Variants in RPF2 observed in about 807,000 individuals in gnomAD.
RPF2 encodes the protein brix domain containing 1.
Under a neutral mutation model 38.9 loss-of-function variants are expected in RPF2, and 21 were observed. That is an observed-to-expected ratio of 0.54 (90% CI 0.38 to 0.78). The LOEUF is 0.78. Among genes scored for constraint, RPF2 ranks in the 30% least tolerant of loss-of-function variants. RPF2 has a pLI of 0.00. For synonymous variants in RPF2, 121 were observed against 126.2 expected (o/e 0.96, Z 0.28); for missense variants, 314 against 358.1 (o/e 0.88, Z 0.99).
intron 4 of RPF2, among the ~76,000 whole-genome samples, chr6:110,994,029 C>T (rs6907245): frequency 0.088 from 13,296 of 151,226 alleles, 640 homozygotes; most frequent in Middle Eastern, 0.13. Context: ...GTAATCCCAG[C>T]GCTCTGGGAG....
intron 6 of RPF2, among the ~76,000 whole-genome samples, chr6:111,005,037 G>T (rs549048988): frequency 1.4e-3 from 212 of 152,152 alleles, no homozygotes; most frequent in Admixed American, 5.1e-3. Context: ...CACCTAAATA[G>T]ACCCTATAGT....
At chr6:111,024,604 T>C (rs182482501) in intron 9 of RPF2, among the ~76,000 whole-genome samples, 35 of 151,448 alleles carry the variant, frequency 2.3e-4, no homozygotes, top group African/African-American at 7.8e-4. Flanking sequence ...TCCCAGCTAC[T>C]TGGGAGGCTG....
At chr6:110,984,045 A>C (rs1329219751) in intron 1 of RPF2, among the ~76,000 whole-genome samples, 1 of 152,056 alleles carries the variant, frequency 6.6e-6, no homozygotes, top group Non-Finnish European at 1.5e-5. Flanking sequence ...ATAAATAAAT[A>C]AATAAATAAG....
chr6:110,984,651 C>G (rs913720437), intron 1 of RPF2, among the ~76,000 whole-genome samples: 3 of 152,006 alleles, frequency 2.0e-5, no homozygotes, highest in Non-Finnish European at 2.9e-5. Flanking sequence ...AATAGCCTGA[C>G]CAACATGGCG....
chr6:110,982,075 C>G lies in RPF2; in HGVS notation c.-32C>G, dbSNP rs779649806. On this transcript the variant is annotated 5_prime_UTR_variant, in exon 1 of 10. Coordinates refer to ENST00000441448, the MANE Select transcript of RPF2 (RefSeq NM_032194.3). Reference sequence around the variant, plus strand: ...GTAATCGCCGAGGGCACGTGCATGCCCCCTGGTTAAGAGTTGCAGGTAGCG... The same window carrying G: ...GTAATCGCCGAGGGCACGTGCATGCGCCCTGGTTAAGAGTTGCAGGTAGCG... 3 of 1,613,980 alleles carry G rather than the reference C, an allele frequency of 1.9e-6. No homozygotes were observed. Among genetic ancestry groups the G allele is most frequent in the South Asian group, 1.1e-5 (1 of 91,088 alleles).
chr6:111,019,238 G>A (rs886236283), intron 8 of RPF2, among the ~76,000 whole-genome samples: 2 of 151,772 alleles, frequency 1.3e-5, no homozygotes, highest in African/African-American at 2.4e-5. Flanking sequence ...AATTAGCTGG[G>A]TATGGTGGCG....
At chr6:111,010,545 G>A (rs1771994244) in intron 7 of RPF2, among the ~76,000 whole-genome samples, 1 of 152,066 alleles carries the variant, frequency 6.6e-6, no homozygotes. Context: ...GTCCTTTATG[G>A]TCCTATTTCA....
At chr6:110,982,412 AGATGGTATAGTG>A in intron 1 of RPF2, 1 of 534,594 alleles carries the variant, frequency 1.9e-6, no homozygotes, top group Admixed American at 3.3e-5. Context: ...AGTATGAGAC[AGATGGTATAGTG>A]GGGTTAGGAG....
chr6:110,988,389 T>C (rs1771559772), intron 2 of RPF2, among the ~76,000 whole-genome samples: 1 of 152,048 alleles, frequency 6.6e-6, no homozygotes, highest in African/African-American at 2.4e-5. Context: ...TTTCAATCTG[T>C]CAGCCTTTCG....
At chr6:111,016,687 C>CT (rs34370879) in intron 8 of RPF2, among the ~76,000 whole-genome samples, 94 of 95,308 alleles carry the variant, frequency 9.9e-4, no homozygotes, top group Middle Eastern at 6.0e-3. Context: ...TTTTTTCTTT[C>CT]TTTTTTTTTT....
intron 4 of RPF2, among the ~76,000 whole-genome samples, 166 bp downstream of exon 4, chr6:110,991,952 G>T (rs3894917): frequency 0.11 from 16,305 of 152,110 alleles, 995 homozygotes; most frequent in Middle Eastern, 0.17. Context: ...TATCTATAGA[G>T]CTTTCATTTC....
intron 6 of RPF2, among the ~76,000 whole-genome samples, chr6:111,002,929 A>C (rs1482556588): frequency 1.3e-5 from 2 of 150,912 alleles, no homozygotes; most frequent in Admixed American, 1.3e-4. Flanking sequence ...CACTCGGCTA[A>C]TTTTTGTATT....
At chr6:111,013,237 T>C (rs1772049948) in intron 7 of RPF2, among the ~76,000 whole-genome samples, 1 of 152,234 alleles carries the variant, frequency 6.6e-6, no homozygotes, top group Non-Finnish European at 1.5e-5. Context: ...ATGTCATTTA[T>C]CACTTTGCAT....
chr6:110,988,388 G>A (rs4947092), intron 2 of RPF2, among the ~76,000 whole-genome samples: 128,791 of 151,572 alleles, frequency 0.85, 55,375 homozygotes, highest in East Asian at 1. Flanking sequence ...ATTTCAATCT[G>A]TCAGCCTTTC....
chr6:111,014,365 C>T (rs949208841), intron 7 of RPF2, among the ~76,000 whole-genome samples: 7 of 152,072 alleles, frequency 4.6e-5, no homozygotes, highest in Non-Finnish European at 1.0e-4. Flanking sequence ...ATCTCCTGAC[C>T]TCATGATCTG....
Position 111,025,667 on chromosome 6 carries a change from A to C in RPF2, c.*85A>C. 1.1e-6 allele frequency: 1 copy of C among 915,314 alleles called. No homozygotes were observed. 56.7% of individuals were successfully genotyped at this position (915,314 alleles called of 1,614,324 possible). On this transcript the variant is annotated 3_prime_UTR_variant, in exon 10 of 10. Transcript: ENST00000441448. ...CAATCCATTCAGAGTTTCTTATAAG[A>C]TCTTATTATATATTTTTATAACATG... is the stretch of plus-strand genomic sequence containing the variant.
At chr6:111,017,356 C>A (rs868191790) in intron 8 of RPF2, among the ~76,000 whole-genome samples, 1 of 150,154 alleles carries the variant, frequency 6.7e-6, no homozygotes, top group Non-Finnish European at 1.5e-5. Context: ...GCGGGGGCTG[C>A]CCCCCGCCTC....
intron 3 of RPF2, among the ~76,000 whole-genome samples, chr6:110,990,826 G>A (rs1360837578): frequency 6.6e-6 from 1 of 152,144 alleles, no homozygotes; most frequent in Admixed American, 6.6e-5. Flanking sequence ...ACCAGCTTCA[G>A]CCTCTCAAAG....
At chr6:111,003,860 T>C (rs913076737) in intron 6 of RPF2, among the ~76,000 whole-genome samples, 1 of 152,088 alleles carries the variant, frequency 6.6e-6, no homozygotes, top group African/African-American at 2.4e-5. Flanking sequence ...TTGCCCAGAC[T>C]GGAGTGCAAT....
Sources: gnomAD v4.1 joint callset for allele counts (sites outside exome capture counted in the v4.1 genomes callset) on GRCh38, gnomAD v4.1.1 for gene constraint, MANE v1.5 for transcripts, NCBI Gene and HGNC (gene_info 2026-07-23, HGNC 2026-07-21) for gene names.